Variants in DCPH1 observed in about 807,000 individuals in gnomAD.
The protein encoded by DCPH1 is damage control phosphatase 1, also known as damage-control phosphatase 1.
the DCPH1 span, chr6:151,452,673 C>G: frequency 5.2e-6 from 7 of 1,347,664 alleles, no homozygotes; most frequent in South Asian, 5.2e-5. Flanking sequence ...GCGCCCGCTC[C>G]CCGGTGGGCT....
At chr6:151,461,433 G>T in the DCPH1 span, among the ~76,000 whole-genome samples, 1 of 152,222 alleles carries the variant, frequency 6.6e-6, no homozygotes, top group Middle Eastern at 3.2e-3. Context: ...CACTTTGGGA[G>T]CCTGAGGCAG....
the DCPH1 span, among the ~76,000 whole-genome samples, chr6:151,461,892 C>G: frequency 1.7e-4 from 26 of 152,126 alleles, no homozygotes; most frequent in African/African-American, 6.0e-4. Flanking sequence ...GAACTCTTCC[C>G]AAAGCGGTTT....
the DCPH1 span, chr6:151,454,527 T>C: frequency 3.5e-6 from 4 of 1,139,026 alleles, no homozygotes; most frequent in East Asian, 7.1e-5. Context: ...AAGTTATATA[T>C]TGCATGTGAC....
chr6:151,465,950 G>A, the DCPH1 span, among the ~76,000 whole-genome samples: 2 of 152,158 alleles, frequency 1.3e-5, no homozygotes, highest in African/African-American at 4.8e-5. Flanking sequence ...ACAGAGTCTC[G>A]CTCTGTTGCC....
the DCPH1 span, among the ~76,000 whole-genome samples, chr6:151,463,851 C>T: frequency 6.6e-6 from 1 of 152,144 alleles, no homozygotes; most frequent in East Asian, 1.9e-4. Flanking sequence ...TTTAATCTCT[C>T]ACTGGAAAAC....
chr6:151,457,358 T>C, the DCPH1 span, among the ~76,000 whole-genome samples: 4 of 152,350 alleles, frequency 2.6e-5, no homozygotes, highest in South Asian at 8.3e-4. Flanking sequence ...GACATCACTA[T>C]TAATCCATTA....
chr6:151,452,918 C>G, the DCPH1 span: 1 of 264,592 alleles, frequency 3.8e-6, no homozygotes, highest in South Asian at 1.1e-4. Context: ...TTGGGGATCT[C>G]AGCGCTATTA....
At chr6:151,457,688 T>G in the DCPH1 span, among the ~76,000 whole-genome samples, 1 of 152,092 alleles carries the variant, frequency 6.6e-6, no homozygotes, top group South Asian at 2.1e-4. Context: ...AATGATCTTA[T>G]AAAAATACTC....
the DCPH1 span, among the ~76,000 whole-genome samples, chr6:151,465,581 A>T: frequency 6.6e-6 from 1 of 152,174 alleles, no homozygotes; most frequent in Admixed American, 6.5e-5. Flanking sequence ...GCTTGTATTA[A>T]ATAAATTTTT....
At chr6:151,453,196 C>A in the DCPH1 span, among the ~76,000 whole-genome samples, 3 of 152,142 alleles carry the variant, frequency 2.0e-5, no homozygotes, top group African/African-American at 7.2e-5. Context: ...CCAATGGCCC[C>A]AAATTGAGGC....
At chr6:151,464,499 A>G in the DCPH1 span, 1 of 1,610,776 alleles carries the variant, frequency 6.2e-7, no homozygotes, top group Middle Eastern at 1.7e-4. Flanking sequence ...AAAAGAGCAA[A>G]ATTTCTATGG....
the DCPH1 span, chr6:151,452,771 G>A: frequency 5.2e-6 from 3 of 580,848 alleles, no homozygotes; most frequent in African/African-American, 6.0e-5. Flanking sequence ...AGGCGGCCCC[G>A]GGGAGGGAGC....
chr6:151,459,146 GATAA>G, the DCPH1 span, among the ~76,000 whole-genome samples: 2 of 152,050 alleles, frequency 1.3e-5, no homozygotes, highest in African/African-American at 2.4e-5. Context: ...CAATAAAATA[GATAA>G]ATAAAGCGTG....
the DCPH1 span, among the ~76,000 whole-genome samples, chr6:151,455,133 C>A: frequency 2.6e-5 from 4 of 152,092 alleles, no homozygotes; most frequent in Non-Finnish European, 5.9e-5. Flanking sequence ...CATTAGCATT[C>A]AGTGCAGAAT....
At chr6:151,457,378 G>A in the DCPH1 span, among the ~76,000 whole-genome samples, 1 of 152,240 alleles carries the variant, frequency 6.6e-6, no homozygotes, top group East Asian at 1.9e-4. Context: ...AGCCTTTTTA[G>A]GTATATGCTT....
At chr6:151,468,985 A>AAAGCT in the DCPH1 span, 1 of 1,614,244 alleles carries the variant, frequency 6.2e-7, no homozygotes, top group Non-Finnish European at 8.5e-7. Flanking sequence ...CTGTACCATA[A>AAAGCT]GAACATTAAA....
At chr6:151,468,982 A>T in the DCPH1 span, 1 of 1,614,254 alleles carries the variant, frequency 6.2e-7, no homozygotes, top group Non-Finnish European at 8.5e-7. Context: ...ACTCTGTACC[A>T]TAAGAACATT....
chr6:151,463,162 G>C, the DCPH1 span, among the ~76,000 whole-genome samples: 13 of 152,286 alleles, frequency 8.5e-5, no homozygotes, highest in South Asian at 2.5e-3. Flanking sequence ...CAGAACAGGT[G>C]GTGGGCCGGA....
chr6:151,469,393 A>G, the DCPH1 span: 7 of 295,446 alleles, frequency 2.4e-5, no homozygotes, highest in African/African-American at 1.5e-4. Flanking sequence ...AAGTGCTTTT[A>G]ATGAACTTAT....
Sources: allele counts gnomAD v4.1 joint callset (sites outside exome capture counted in the v4.1 genomes callset), GRCh38; gene constraint gnomAD v4.1.1; transcripts MANE v1.5; gene names NCBI Gene and HGNC (gene_info 2026-07-23, HGNC 2026-07-21).